Variants in RIPK2 observed in about 807,000 individuals in gnomAD.
RIPK2 encodes receptor interacting serine/threonine kinase 2, also known as receptor-interacting serine/threonine-protein kinase 2.
In RIPK2, 38 loss-of-function variants were observed where a neutral mutation model predicts 60.9. The ratio of observed to expected loss-of-function variants is 0.62; its 90% CI spans 0.48 to 0.82. The LOEUF is 0.82. Ranked by LOEUF, RIPK2 falls within the 40% of genes least tolerant of loss-of-function variation. RIPK2 has a pLI of 0.00. For synonymous variants in RIPK2, 225 were observed against 223.4 expected (o/e 1.01, Z -0.06); for missense variants, 518 against 647.0 (o/e 0.80, Z 2.16).
chr8:89,771,805 AC>A lies in RIPK2; in HGVS notation c.691+16del. 6.4e-7 allele frequency: 1 copy of A among 1,562,732 alleles called. No homozygotes were observed. The highest frequency in any genetic ancestry group is 8.8e-7 in the Non-Finnish European group (1 of 1,135,586). ...GCCTTTTGAAGGTAAGTATGGTTTGACTTTTTTATGCTCAATAACATCATGT... is the reference window on the plus strand; with the variant it reads ...GCCTTTTGAAGGTAAGTATGGTTTGATTTTTTATGCTCAATAACATCATGT... On this transcript the variant is annotated intron_variant, in intron 5 of 10. Transcript: ENST00000220751.
At chr8:89,760,015 G>A (rs1267528961) in intron 1 of RIPK2, among the ~76,000 whole-genome samples, 2 of 152,152 alleles carry the variant, frequency 1.3e-5, no homozygotes, top group Non-Finnish European at 2.9e-5. Context: ...TAAGACCAGC[G>A]AAACACTCTG....
chr8:89,779,845 C>T (rs1208130004), intron 6 of RIPK2, among the ~76,000 whole-genome samples: 1 of 152,164 alleles, frequency 6.6e-6, no homozygotes, highest in Non-Finnish European at 1.5e-5. Flanking sequence ...ATCATTTCCC[C>T]ATTGAATTGG....
At chr8:89,775,414 G>A (rs1809380660) in intron 6 of RIPK2, among the ~76,000 whole-genome samples, 1 of 152,030 alleles carries the variant, frequency 6.6e-6, no homozygotes, top group Non-Finnish European at 1.5e-5. Context: ...TTGTGCCACT[G>A]CACTTGCACT....
At chr8:89,774,062 C>T (rs1437553619) in intron 6 of RIPK2, among the ~76,000 whole-genome samples, 1 of 151,800 alleles carries the variant, frequency 6.6e-6, no homozygotes, top group Admixed American at 6.6e-5. Context: ...AGCTACTGCA[C>T]TCCAACCTGG....
intron 10 of RIPK2, among the ~76,000 whole-genome samples, chr8:89,789,826 C>T (rs765927390): frequency 2.0e-5 from 3 of 152,050 alleles, no homozygotes; most frequent in Non-Finnish European, 2.9e-5. Flanking sequence ...GAAATGATGA[C>T]ATAAAGTGGT....
In RIPK2 at chr8:89,757,978, C is replaced by CT; in HGVS notation, c.-82dup. 1 of 1,453,520 alleles carries CT rather than the reference C, an allele frequency of 6.9e-7. No homozygotes were observed. The highest frequency in any genetic ancestry group is 9.1e-7 in the Non-Finnish European group (1 of 1,101,712). The allele number at this position is 1,453,520 out of a possible 1,614,324, so 90.0% of individuals were successfully genotyped here. A position where few individuals can be genotyped will look rare whatever the true frequency, so the allele number is the denominator to read the frequency against. ...CGGCCTCGCTCGTGCAGGGGCGTATCTGGGCGCCTGAGCGCGGCGTGGGAG... is the reference window on the plus strand; with the variant it reads ...CGGCCTCGCTCGTGCAGGGGCGTATCTTGGGCGCCTGAGCGCGGCGTGGGAG... On this transcript the variant is annotated 5_prime_UTR_variant, in exon 1 of 11. Coordinates refer to ENST00000220751, the MANE Select transcript of RIPK2 (RefSeq NM_003821.6).
intron 4 of RIPK2, among the ~76,000 whole-genome samples, chr8:89,771,250 T>C (rs540668639): frequency 2.6e-5 from 4 of 152,012 alleles, no homozygotes; most frequent in East Asian, 3.9e-4. Context: ...AAAATTCTTA[T>C]ATCCTATTTA....
Position 89,765,364 on chromosome 8 carries a change from T to G in RIPK2, c.351T>G (p.Ala117=), listed in dbSNP as rs904195473. The G allele has an allele frequency of 1.2e-6, 2 of 1,609,978 alleles. No homozygotes were observed. Among genetic ancestry groups the G allele is most frequent in the East Asian group, 2.2e-5 (1 of 44,748 alleles). Residue 117 remains alanine, a synonymous_variant, in exon 3 of 11, where the codon GCT becomes GCG. Transcript: ENST00000220751. ...LHRKTEYPDV[A]WPLRFRILHE... is the part of the protein sequence containing the mutation. ...AGAAAACTGAATATCCTGATGTTGC[T>G]TGGCCATTGAGATTTCGCATCCTGC...
intron 6 of RIPK2, among the ~76,000 whole-genome samples, chr8:89,778,573 C>G (rs963944493): frequency 1.3e-5 from 2 of 152,108 alleles, no homozygotes; most frequent in African/African-American, 2.4e-5. Flanking sequence ...AATGTGTGGT[C>G]CTTTTGCATC....
At chr8:89,770,271 A>G (rs556172419) in intron 4 of RIPK2, among the ~76,000 whole-genome samples, 133 of 151,926 alleles carry the variant, frequency 8.8e-4, no homozygotes, top group African/African-American at 3.1e-3. Context: ...AACCTGTTCA[A>G]CCTTTTAGCT....
At chr8:89,779,511 G>A (rs1420853537) in intron 6 of RIPK2, among the ~76,000 whole-genome samples, 4 of 151,724 alleles carry the variant, frequency 2.6e-5, no homozygotes, top group South Asian at 2.1e-4. Flanking sequence ...TAGTAGAGAC[G>A]GGGTTTCACT....
chr8:89,788,267 T>C (rs1032584841), intron 9 of RIPK2, among the ~76,000 whole-genome samples: 2 of 151,770 alleles, frequency 1.3e-5, no homozygotes, highest in African/African-American at 4.8e-5. Context: ...CACTTGAACC[T>C]GGGAGGCAGG....
At chr8:89,787,786 T>G (rs761479960) in intron 9 of RIPK2, among the ~76,000 whole-genome samples, 1 of 152,054 alleles carries the variant, frequency 6.6e-6, no homozygotes, top group African/African-American at 2.4e-5. Context: ...CTGGCTGGAA[T>G]GTGTAGGATA....
At chr8:89,774,966 A>G (rs765931098) in intron 6 of RIPK2, among the ~76,000 whole-genome samples, 19 of 152,214 alleles carry the variant, frequency 1.2e-4, no homozygotes, top group Non-Finnish European at 2.2e-4. Flanking sequence ...CAACATTGTC[A>G]TCACCGGTAA....
chr8:89,787,680 G>A (rs1247299155), intron 9 of RIPK2, among the ~76,000 whole-genome samples: 3 of 152,196 alleles, frequency 2.0e-5, no homozygotes, highest in Admixed American at 6.5e-5. Flanking sequence ...ACTTTCAGCT[G>A]AACTATTTGG....
intron 6 of RIPK2, 118 bp from the exon 7 acceptor site, chr8:89,779,957 C>T (rs771316112): frequency 5.8e-5 from 35 of 606,938 alleles, no homozygotes; most frequent in Admixed American, 1.1e-4. Context: ...CGTAAAACAG[C>T]TGAATGTCAT....
At chr8:89,778,293 GA>G (rs1462431236) in intron 6 of RIPK2, among the ~76,000 whole-genome samples, 1 of 151,686 alleles carries the variant, frequency 6.6e-6, no homozygotes, top group Non-Finnish European at 1.5e-5. Context: ...ATATAATAAA[GA>G]TTATTTTTTT....
At chr8:89,768,982 CAATT>C (rs764618169) in intron 3 of RIPK2, among the ~76,000 whole-genome samples, 187 of 151,738 alleles carry the variant, frequency 1.2e-3, no homozygotes, top group Admixed American at 3.4e-3. Context: ...ACTCCCTTGT[CAATT>C]AAATATTATT....
At chr8:89,786,535 G>A in intron 8 of RIPK2, 58 bp from the exon 9 acceptor site, 1 of 978,452 alleles carries the variant, frequency 1.0e-6, no homozygotes, top group South Asian at 1.4e-5. Context: ...GAACTATTTA[G>A]AAATTAAAGC....
Sources: gnomAD v4.1 joint callset for allele counts (sites outside exome capture counted in the v4.1 genomes callset) on GRCh38, gnomAD v4.1.1 for gene constraint, MANE v1.5 for transcripts, NCBI Gene and HGNC (gene_info 2026-07-23, HGNC 2026-07-21) for gene names.